Variants in FRMD4B observed in about 807,000 individuals in gnomAD.
FRMD4B encodes the protein FERM domain-containing protein 4B.
Under a neutral mutation model 141.5 loss-of-function variants are expected in FRMD4B, and 74 were observed. The ratio of observed to expected loss-of-function variants is 0.52; its 90% CI spans 0.43 to 0.63. FRMD4B has a LOEUF of 0.63. FRMD4B is among the 30% of genes least tolerant of loss of function. The pLI is 0.00. For synonymous variants in FRMD4B, 506 were observed against 467.9 expected (o/e 1.08, Z -1.05); for missense variants, 1,366 against 1,253.4 (o/e 1.09, Z -1.36).
intron 5 of FRMD4B, among the ~76,000 whole-genome samples, chr3:69,267,630 TATATATAGAGAG>T (rs2093572416): frequency 1.2e-3 from 13 of 10,908 alleles, no homozygotes; most frequent in African/African-American, 3.5e-3. Context: ...TATATATATA[TATATATAGAGAG>T]AGAGAGAGAG....
At chr3:69,307,972 G>T (rs902328903) in intron 3 of FRMD4B, among the ~76,000 whole-genome samples, 11 of 152,138 alleles carry the variant, frequency 7.2e-5, no homozygotes, top group African/African-American at 2.7e-4. Flanking sequence ...CCATGTTCAT[G>T]CATTTGCCCA....
chr3:69,245,187 A>G (rs1358175878), intron 7 of FRMD4B, among the ~76,000 whole-genome samples: 2 of 152,206 alleles, frequency 1.3e-5, no homozygotes, highest in Non-Finnish European at 2.9e-5. Flanking sequence ...GGAGATTTTA[A>G]GTAATTTGTT....
At chr3:69,179,672 A>T (rs1442272066) in intron 21 of FRMD4B, among the ~76,000 whole-genome samples, 1 of 152,236 alleles carries the variant, frequency 6.6e-6, no homozygotes, top group Non-Finnish European at 1.5e-5. Flanking sequence ...AGGAATCCTT[A>T]TACTATGTCT....
chr3:69,531,040 G>C (rs1234284351), intron 1 of FRMD4B, among the ~76,000 whole-genome samples: 1 of 152,170 alleles, frequency 6.6e-6, no homozygotes, highest in Non-Finnish European at 1.5e-5. Context: ...GAGAGACATG[G>C]ATGCAAATCT....
intron 1 of FRMD4B, among the ~76,000 whole-genome samples, chr3:69,456,445 C>T (rs1039401968): frequency 7.9e-5 from 12 of 152,102 alleles, no homozygotes; most frequent in African/African-American, 2.9e-4. Flanking sequence ...TTTGACAGTG[C>T]AGTCTATAAT....
chr3:69,290,883 G>T (rs1311731662), intron 4 of FRMD4B, among the ~76,000 whole-genome samples: 1 of 152,128 alleles, frequency 6.6e-6, no homozygotes, highest in African/African-American at 2.4e-5. Flanking sequence ...CTCCTCCTGG[G>T]CTGCCGCTCC....
In FRMD4B at chr3:69,284,733, C is replaced by G. The variant is rs116057099; in HGVS notation, c.501+3019G>C. ...CAAAGACAAAAATCAATCAAAAATA[C>G]CCGGAACTGACACAGACATTAGGAT... On this transcript the variant is annotated intron_variant, in intron 5 of 22. Coordinates refer to ENST00000398540, the MANE Select transcript of FRMD4B (RefSeq NM_015123.3). 6.6e-3 allele frequency among the ~76,000 whole-genome samples: 1,007 copies of G among 152,176 alleles called. 12 individuals are homozygous for G. The highest frequency in any genetic ancestry group is 0.023 in the African/African-American group (936 of 41,512).
At chr3:69,354,348 T>TA (rs935341597) in intron 1 of FRMD4B, among the ~76,000 whole-genome samples, 30 of 152,186 alleles carry the variant, frequency 2.0e-4, no homozygotes, top group Non-Finnish European at 3.8e-4. Flanking sequence ...TTACTTTTTT[T>TA]AAAAAAAGAG....
At chr3:69,282,712 A>G (rs561386083) in intron 5 of FRMD4B, among the ~76,000 whole-genome samples, 1 of 152,186 alleles carries the variant, frequency 6.6e-6, no homozygotes, top group South Asian at 2.1e-4. Flanking sequence ...ATCTTGGCTC[A>G]CTGCAACCTC....
intron 2 of FRMD4B, among the ~76,000 whole-genome samples, chr3:69,412,498 G>A (rs949404811): frequency 2.0e-5 from 3 of 152,142 alleles, no homozygotes; most frequent in East Asian, 1.9e-4. Context: ...AGATAAAGGT[G>A]GAATATGGGC....
chr3:69,250,657 A>T (rs1056118773), intron 5 of FRMD4B, among the ~76,000 whole-genome samples: 2 of 152,152 alleles, frequency 1.3e-5, no homozygotes, highest in Non-Finnish European at 2.9e-5. Flanking sequence ...CAGTTACAGC[A>T]AATGCTTTGA....
intron 5 of FRMD4B, among the ~76,000 whole-genome samples, chr3:69,278,148 C>T (rs779443226): frequency 6.6e-6 from 1 of 152,150 alleles, no homozygotes; most frequent in Non-Finnish European, 1.5e-5. Flanking sequence ...GCCACTGTGC[C>T]TGGCCTGAAC....
intron 21 of FRMD4B, 57 bp downstream of exon 21, chr3:69,180,842 G>A: frequency 7.8e-7 from 1 of 1,275,984 alleles, no homozygotes. Flanking sequence ...TTTTAGGTGG[G>A]CAGGAAACAC....
intron 1 of FRMD4B, 119 bp from the exon 2 acceptor site, chr3:69,313,636 G>A (rs887606287): frequency 1.5e-6 from 1 of 646,850 alleles, no homozygotes; most frequent in Non-Finnish European, 2.7e-6. Context: ...CTTTAGTTGA[G>A]TTAATAAACA....
intron 18 of FRMD4B, among the ~76,000 whole-genome samples, chr3:69,188,243 T>A (rs1391421367): frequency 6.6e-6 from 1 of 152,200 alleles, no homozygotes; most frequent in Admixed American, 6.5e-5. Context: ...AAACCCCCAG[T>A]GTGAACCAAG....
intron 11 of FRMD4B, among the ~76,000 whole-genome samples, chr3:69,211,364 C>A (rs1360692635): frequency 6.6e-6 from 1 of 152,154 alleles, no homozygotes; most frequent in Non-Finnish European, 1.5e-5. Context: ...TCTTTCCCTG[C>A]ATCACTGTAC....
intron 1 of FRMD4B, chr3:69,432,917 T>C (rs1705203203): frequency 6.6e-6 from 1 of 152,198 alleles, no homozygotes; most frequent in Admixed American, 6.5e-5. Context: ...TCCATGAGAT[T>C]TAGAATAGAG....
chr3:69,251,457 A>T (rs1487935631), intron 5 of FRMD4B, among the ~76,000 whole-genome samples: 3 of 152,234 alleles, frequency 2.0e-5, no homozygotes, highest in Non-Finnish European at 4.4e-5. Context: ...TTCTCAAAAA[A>T]CAAACAATAA....
intron 2 of FRMD4B, among the ~76,000 whole-genome samples, chr3:69,312,394 G>A (rs1254679666): frequency 6.6e-6 from 1 of 152,220 alleles, no homozygotes; most frequent in Non-Finnish European, 1.5e-5. Flanking sequence ...CTTGGGCAAA[G>A]CTACTGTTGA....
Sources: gnomAD v4.1 joint callset for allele counts (sites outside exome capture counted in the v4.1 genomes callset) on GRCh38, gnomAD v4.1.1 for gene constraint, MANE v1.5 for transcripts, NCBI Gene and HGNC (gene_info 2026-07-23, HGNC 2026-07-21) for gene names.